Variants in FBXL18 observed in about 807,000 individuals in gnomAD.
The protein encoded by FBXL18 is F-box/LRR-repeat protein 18.
In FBXL18, 36 loss-of-function variants were observed where a neutral mutation model predicts 46.0. The observed-to-expected ratio is 0.78, with a 90% CI of 0.60 to 1.03. The LOEUF (loss-of-function observed/expected upper bound fraction) is 1.03, where lower values mean the gene tolerates loss of function less well. Ranked by LOEUF, FBXL18 falls within the 50% of genes least tolerant of loss-of-function variation. The pLI is 0.00. For missense variants in FBXL18, 977 were observed against 1,004.1 expected, an observed-to-expected ratio of 0.97 and a Z score of 0.36; for synonymous variants, 557 against 465.3, an observed-to-expected ratio of 1.20 and a Z score of -2.54.
At chr7:5,466,843 A>G (rs1196224300) in intron 4 of FBXL18, among the ~76,000 whole-genome samples, 2 of 152,204 alleles carry the variant, frequency 1.3e-5, no homozygotes, top group African/African-American at 4.8e-5. Context: ...TCCCGGAGGC[A>G]GCCAGCTGGA....
rs768280962 is a variant in FBXL18, at chr7:5,513,717, C to T, written c.-43G>A. On this transcript the variant is annotated 5_prime_UTR_variant, in exon 1 of 5. Coordinates refer to ENST00000382368, the MANE Select transcript of FBXL18 (RefSeq NM_024963.6). ...ACCGCGGCCGCGGGATCCGCAACCC[C>T]GTGCCTCCCACCTGCCCGGCTAGGG... 6 of 1,590,096 alleles carry T rather than the reference C, an allele frequency of 3.8e-6. No individual in the cohort carries two copies. Among genetic ancestry groups the T allele is most frequent in the East Asian group, 4.6e-5 (2 of 43,358 alleles).
chr7:5,464,343 G>A (rs1024196747), intron 4 of FBXL18, among the ~76,000 whole-genome samples: 3 of 152,014 alleles, frequency 2.0e-5, no homozygotes, highest in African/African-American at 7.2e-5. Context: ...GCCAGGCATG[G>A]TGGCGCACAT....
chr7:5,488,428 C>T (rs1290239631), intron 4 of FBXL18, among the ~76,000 whole-genome samples: 1 of 152,190 alleles, frequency 6.6e-6, no homozygotes, highest in Non-Finnish European at 1.5e-5. Context: ...TGAGCACAGC[C>T]GTCCTGAACT....
intron 3 of FBXL18, among the ~76,000 whole-genome samples, chr7:5,492,261 TGTCTCGAA>T (rs1783946966): frequency 6.7e-6 from 1 of 150,248 alleles, no homozygotes; most frequent in African/African-American, 2.5e-5. Flanking sequence ...GGACAGGCCA[TGTCTCGAA>T]GTACAGTGGC....
Position 5,470,459 on chromosome 7 carries a change from C to G in FBXL18, c.2000+20772G>C, listed in dbSNP as rs1393999732. ...ACACCCGTGCCCGCGGGAGCCTGAG[C>G]TGCCACGAAACCCGAGAGCCAGGAA... On this transcript the variant is annotated intron_variant and NMD_transcript_variant, in intron 4 of 6. Transcript: ENST00000415009. Among the ~76,000 whole-genome samples, 3 of 152,296 alleles carry G rather than the reference C, an allele frequency of 2.0e-5. No individual in the cohort carries two copies. In the East Asian group the frequency reaches 5.8e-4, roughly 29 times the overall value.
At chr7:5,489,071 G>A (rs550211394) in intron 4 of FBXL18, 4 of 300,974 alleles carry the variant, frequency 1.3e-5, no homozygotes, top group African/African-American at 6.7e-5. Flanking sequence ...CACCGCAGGC[G>A]AAGTCAAGAT....
In FBXL18 at chr7:5,455,663, G is replaced by C. The variant is rs973161098; in HGVS notation, c.2001-7820C>G. Among the ~76,000 whole-genome samples, 11 of 152,178 alleles carry C rather than the reference G, an allele frequency of 7.2e-5. No individual in the cohort carries two copies. The highest frequency in any genetic ancestry group is 5.2e-4 in the Admixed American group (8 of 15,272). On this transcript the variant is annotated intron_variant and NMD_transcript_variant, in intron 4 of 6. Transcript: ENST00000415009. The surrounding 1 kb of genome is among the most constrained non-coding windows in gnomAD (Gnocchi z 4.6). ...TTGCTGACCATCCACTTCCCCGCAG[G>C]GGGGCTCAAACCCAGGCTGTGAATT...
At chr7:5,509,444 C>T (rs1784473418) in intron 1 of FBXL18, among the ~76,000 whole-genome samples, 2 of 151,994 alleles carry the variant, frequency 1.3e-5, no homozygotes, top group South Asian at 4.1e-4. Context: ...CCGTAATCCC[C>T]AGCACTTTGG....
chr7:5,513,372 G>C (rs74646899), intron 1 of FBXL18, among the ~76,000 whole-genome samples: 10,958 of 152,194 alleles, frequency 0.072, 591 homozygotes, highest in South Asian at 0.17. Context: ...GGTCTCGGAG[G>C]AGCCTGGACC....
intron 4 of FBXL18, chr7:5,489,645 G>A: frequency 9.1e-6 from 2 of 218,882 alleles, no homozygotes; most frequent in Non-Finnish European, 1.9e-5. Flanking sequence ...CAGGTGTGGT[G>A]GCGGGCGCCT....
At position 5,496,906 on chromosome 7, in the gene FBXL18, C is replaced by T. The variant is rs896889824; in HGVS notation, c.1781+3582G>A. Among the ~76,000 whole-genome samples, 3 of 151,864 alleles carry T rather than the reference C, an allele frequency of 2.0e-5. No individual in the cohort carries two copies. Among genetic ancestry groups the T allele is most frequent in the Non-Finnish European group, 4.4e-5 (3 of 67,998 alleles). On this transcript the variant is annotated intron_variant, in intron 3 of 4. Transcript: ENST00000382368. The surrounding 1 kb of genome is among the most constrained non-coding windows in gnomAD (Gnocchi z 4.8). ...ATTAGCCGAGTATGGTGGTGGGCACCTGTAATCCCAGCTACTCTGGAGGCT... is the reference window on the plus strand; with the variant it reads ...ATTAGCCGAGTATGGTGGTGGGCACTTGTAATCCCAGCTACTCTGGAGGCT...
intron 4 of FBXL18, among the ~76,000 whole-genome samples, chr7:5,461,182 G>C (rs1222369312): frequency 6.6e-6 from 1 of 152,196 alleles, no homozygotes; most frequent in South Asian, 2.1e-4. Flanking sequence ...CTCAGGGATA[G>C]GTCAGGGAAT....
intron 3 of FBXL18, among the ~76,000 whole-genome samples, chr7:5,494,503 T>C (rs1784022319): frequency 6.6e-6 from 1 of 152,186 alleles, no homozygotes; most frequent in Admixed American, 6.5e-5. Context: ...TATTTTTCTA[T>C]ATTTGTTTTG....
rs1297520348 is a variant in FBXL18 at position 5,501,213 on chromosome 7, G to A, written c.1056C>T (p.Gly352=). The A allele has an allele frequency of 1.9e-6, 3 of 1,613,220 alleles. No individual in the cohort carries two copies. Among genetic ancestry groups the A allele is most frequent in the Non-Finnish European group, 2.5e-6 (3 of 1,179,700 alleles). ...LRSLASLNLS[G]CVHCLSPDSL... ...AGTCTGGGGACAGGCAGTGGACGCA[G>A]CCGCTGAGGTTCAAGCTGGCCAGGC... is the stretch of plus-strand genomic sequence containing the variant. The change falls in exon 3 of 5, where the codon GGC becomes GGT. Residue 352 remains glycine (G), a synonymous_variant. Transcript: ENST00000382368.
At chr7:5,509,994 G>A (rs750897406) in intron 1 of FBXL18, among the ~76,000 whole-genome samples, 8 of 151,972 alleles carry the variant, frequency 5.3e-5, no homozygotes, top group Non-Finnish European at 1.2e-4. Flanking sequence ...GGCAAGCTCT[G>A]GAGAGGAAAC....
intron 4 of FBXL18, among the ~76,000 whole-genome samples, chr7:5,460,919 T>C (rs1373154789): frequency 6.6e-6 from 1 of 152,348 alleles, no homozygotes; most frequent in Admixed American, 6.5e-5. Flanking sequence ...TTTTTTTGTT[T>C]TGTGGAAGCT....
rs575787758 is a variant in FBXL18 at position 5,505,517 on chromosome 7, G to A, written c.132C>T (p.Pro44=). 2 of 1,614,148 alleles carry A rather than the reference G, an allele frequency of 1.2e-6. No homozygotes were observed. Among genetic ancestry groups the A allele is most frequent in the South Asian group, 1.1e-5 (1 of 91,076 alleles). ...EILLHILSHV[P]STDLILNVRR... The stretch of plus-strand genomic sequence containing the variant: ...GGACGTTCAGAATCAGATCTGTGCT[G>A]GGGACGTGACTCAGGATGTGAAGGA... Residue 44 remains proline (P), a synonymous_variant, in exon 2 of 5, where the codon CCC becomes CCT. Coordinates refer to ENST00000382368, the MANE Select transcript of FBXL18 (RefSeq NM_024963.6).
intron 2 of FBXL18, among the ~76,000 whole-genome samples, chr7:5,502,449 C>T (rs1481391391): frequency 2.0e-5 from 3 of 152,084 alleles, no homozygotes; most frequent in Non-Finnish European, 4.4e-5. Flanking sequence ...GCAGAAGAAT[C>T]GCTTGAACCT....
At chr7:5,504,777 G>A (rs1221638324) in intron 2 of FBXL18, among the ~76,000 whole-genome samples, 15 of 149,514 alleles carry the variant, frequency 1.0e-4, no homozygotes, top group East Asian at 4.0e-4. Context: ...TTAGCCCGGC[G>A]TGGTGGCGGG....
Sources: allele counts gnomAD v4.1 joint callset (sites outside exome capture counted in the v4.1 genomes callset), GRCh38; gene constraint gnomAD v4.1.1; non-coding constraint Gnocchi (gnomAD v3.1); transcripts MANE v1.5; gene names NCBI Gene and HGNC (gene_info 2026-07-23, HGNC 2026-07-21).